The following TMEM8B variants were observed in gnomAD, a reference collection of about 807,000 sequenced individuals.
The protein encoded by TMEM8B is transmembrane protein 8B.
TMEM8B carries 29 observed loss-of-function variants against 49.3 expected under a neutral mutation model. That is an observed-to-expected ratio of 0.59 (90% CI 0.44 to 0.80). The LOEUF is 0.80. TMEM8B is among the 30% of genes least tolerant of loss of function. The pLI is 0.00. For synonymous variants in TMEM8B, 264 were observed against 272.8 expected, an observed-to-expected ratio of 0.97 and a Z score of 0.32; for missense variants, 575 against 658.5, an observed-to-expected ratio of 0.87 and a Z score of 1.39.
chr9:35,852,182 T>G (rs1429709470), intron 10 of TMEM8B, among the ~76,000 whole-genome samples: 1 of 152,210 alleles, frequency 6.6e-6, no homozygotes, highest in Non-Finnish European at 1.5e-5. Context: ...TCCTCAATAG[T>G]CCACTCTTCA....
At position 35,846,469 on chromosome 9, in the gene TMEM8B, G is replaced by A. The variant is rs773611824; in HGVS notation, c.1854G>A (p.Arg618=). The A allele has an allele frequency of 2.5e-6, 4 of 1,599,764 alleles. No individual in the cohort carries two copies. The highest frequency in any genetic ancestry group is 1.7e-5 in the Admixed American group (1 of 58,376). The change falls in exon 9 of 13, where the codon CGG becomes CGA. Residue 618 remains arginine (R), a splice_region_variant and synonymous_variant. Coordinates refer to ENST00000643932, the MANE Select transcript of TMEM8B (RefSeq NM_001042590.4). ...ALRSLCGVGP[R]FVRCRNATAE... ...CAGGTGACTGCGAGTTTGTGCGCAG[G>A]TTCGTGCGGTGCCGCAACGCGACGG...
In TMEM8B at chr9:35,854,152, A is replaced by C; in HGVS notation, c.*312A>C. ...CTGGGATGCAGAGCCTTCCCAAGACATGGATTCCTTCCCAGGGAGACAAAG... is the reference window on the plus strand; with the variant it reads ...CTGGGATGCAGAGCCTTCCCAAGACCTGGATTCCTTCCCAGGGAGACAAAG... On this transcript the variant is annotated 3_prime_UTR_variant, in exon 13 of 13. Coordinates refer to ENST00000643932, the MANE Select transcript of TMEM8B (RefSeq NM_001042590.4). The C allele has an allele frequency of 1.9e-6, 1 of 526,526 alleles. No homozygotes were observed. The highest frequency in any genetic ancestry group is 2.7e-6 in the Non-Finnish European group (1 of 369,342). 32.6% of individuals were successfully genotyped at this position (526,526 alleles called of 1,614,324 possible).
At chr9:35,850,774 A>G (rs569606945) in intron 10 of TMEM8B, among the ~76,000 whole-genome samples, 1 of 152,320 alleles carries the variant, frequency 6.6e-6, no homozygotes, top group East Asian at 1.9e-4. Context: ...TGTCTGAAAT[A>G]TAGTACAAAT....
rs1207008246 is a variant in TMEM8B, at chr9:35,854,244, A to AT, written c.*408dup. 1 of 173,990 alleles carries AT rather than the reference A, an allele frequency of 5.7e-6. No individual in the cohort carries two copies. The highest frequency in any genetic ancestry group is 1.2e-5 in the Non-Finnish European group (1 of 84,966). 10.8% of individuals were successfully genotyped at this position (173,990 alleles called of 1,614,324 possible). ...TATCTTGGGGAAACCAAATTTCCAG[A>AT]TTTTCCCAGAGGCTCAGCAACTCTG... On this transcript the variant is annotated 3_prime_UTR_variant, in exon 13 of 13. Transcript: ENST00000643932.
chr9:35,831,857 G>A (rs1829935731), intron 1 of TMEM8B, among the ~76,000 whole-genome samples: 1 of 152,212 alleles, frequency 6.6e-6, no homozygotes, highest in Non-Finnish European at 1.5e-5. Context: ...GAATGCCTTG[G>A]CAATTTTGGA....
Position 35,841,166 on chromosome 9 carries a change from G to A in TMEM8B, c.939G>A (p.Gln313=). ...GLQDECQYLL[Q]PQLIVRRLLD... is the part of the protein sequence containing the mutation. ...AGGATGAGTGTCAGTACCTCCTTCAGCCGCAGCTGATTGTCCGGCGTTTGC... is the reference window on the plus strand; with the variant it reads ...AGGATGAGTGTCAGTACCTCCTTCAACCGCAGCTGATTGTCCGGCGTTTGC... The change falls in exon 4 of 13, where the codon CAG becomes CAA. Residue 313 remains glutamine (Q), a synonymous_variant. Coordinates refer to ENST00000643932, the MANE Select transcript of TMEM8B (RefSeq NM_001042590.4). This position sits in a 1 kb window ranked among gnomAD's most constrained non-coding sequence, Gnocchi z 5.9. The A allele has an allele frequency of 4.8e-6, 2 of 416,068 alleles. No individual in the cohort carries two copies. The highest frequency in any genetic ancestry group is 8.8e-6 in the Non-Finnish European group (2 of 226,662). 25.8% of individuals were successfully genotyped at this position (416,068 alleles called of 1,614,324 possible). A position where few individuals can be genotyped will look rare whatever the true frequency, so the allele number is the denominator to read the frequency against.
Position 35,852,913 on chromosome 9 carries a change from C to T in TMEM8B, c.2262C>T (p.Ser754=), listed in dbSNP as rs1832280084. ...DVLQFCDFLG[S]LMSVWVTVIA... is the part of the protein sequence containing the mutation. ...TGCAGTTCTGTGATTTCCTGGGCTC[C>T]TTAATGTCCGTGTGGGTCACTGTCA... The change falls in exon 11 of 13, where the codon TCC becomes TCT. Residue 754 remains serine, a synonymous_variant. Coordinates refer to ENST00000643932, the MANE Select transcript of TMEM8B (RefSeq NM_001042590.4). 3 of 1,614,236 alleles carry T rather than the reference C, an allele frequency of 1.9e-6. No individual in the cohort carries two copies. The highest frequency in any genetic ancestry group is 1.7e-6 in the Non-Finnish European group (2 of 1,180,038).
At chr9:35,851,417 T>G (rs1832125638) in intron 10 of TMEM8B, among the ~76,000 whole-genome samples, 1 of 152,216 alleles carries the variant, frequency 6.6e-6, no homozygotes, top group Non-Finnish European at 1.5e-5. Flanking sequence ...AGTGCTGGGA[T>G]TAACAGGCGT....
chr9:35,840,839 T>C (rs889003885), intron 3 of TMEM8B, among the ~76,000 whole-genome samples: 8 of 151,914 alleles, frequency 5.3e-5, no homozygotes, highest in South Asian at 2.1e-4. Flanking sequence ...AGGGGTTAGA[T>C]TGGGAGAAGG....
Position 35,857,665 on chromosome 9 carries a change from A to C in TMEM8B, c.*3825A>C, listed in dbSNP as rs1832575559. The C allele has an allele frequency of 6.6e-6, 1 of 152,234 alleles. No homozygotes were observed. The highest frequency in any genetic ancestry group is 2.4e-5 in the African/African-American group (1 of 41,452). 9.4% of individuals were successfully genotyped at this position (152,234 alleles called of 1,614,324 possible). A position where few individuals can be genotyped will look rare whatever the true frequency, so the allele number is the denominator to read the frequency against. On this transcript the variant is annotated 3_prime_UTR_variant, in exon 13 of 13. Coordinates refer to ENST00000643932, the MANE Select transcript of TMEM8B (RefSeq NM_001042590.4). ...TCCTTGATCAGAAGAGTGATGAATCAATCCAGGTTTGACCAAAGTAACAGA... is the reference window on the plus strand; with the variant it reads ...TCCTTGATCAGAAGAGTGATGAATCCATCCAGGTTTGACCAAAGTAACAGA...
rs1832454813 is a variant in TMEM8B at position 35,854,839 on chromosome 9, G to A, written c.*999G>A. 1 of 152,150 alleles carries A rather than the reference G, an allele frequency of 6.6e-6. No homozygotes were observed. The highest frequency in any genetic ancestry group is 1.5e-5 in the Non-Finnish European group (1 of 68,042). 9.4% of individuals were successfully genotyped at this position (152,150 alleles called of 1,614,324 possible). On this transcript the variant is annotated 3_prime_UTR_variant, in exon 13 of 13. Transcript: ENST00000643932. Reference sequence around the variant, plus strand: ...ATCACAAGAATGTAACTTCTGTTTTGAGCCCCCATTTTTCCTGAGTGCCAG... The same window carrying A: ...ATCACAAGAATGTAACTTCTGTTTTAAGCCCCCATTTTTCCTGAGTGCCAG...
intron 1 of TMEM8B, among the ~76,000 whole-genome samples, chr9:35,831,117 C>T (rs149021712): frequency 6.0e-4 from 91 of 152,268 alleles, no homozygotes; most frequent in Middle Eastern, 3.4e-3. Context: ...GACGAATGCA[C>T]GTGAAAGGTC....
In TMEM8B at chr9:35,862,457, C is replaced by T. The variant is rs1832668925; in HGVS notation, c.*8617C>T. Reference sequence around the variant, plus strand: ...CCAAGGGTGGGAAACCACCTGACTGCATTTTTCTTTATCACTCACACCTCT... The same window carrying T: ...CCAAGGGTGGGAAACCACCTGACTGTATTTTTCTTTATCACTCACACCTCT... On this transcript the variant is annotated 3_prime_UTR_variant, in exon 13 of 13. Coordinates refer to ENST00000643932, the MANE Select transcript of TMEM8B (RefSeq NM_001042590.4). 6.6e-6 allele frequency: 1 copy of T among 152,246 alleles called. No individual in the cohort carries two copies. Among genetic ancestry groups the T allele is most frequent in the Non-Finnish European group, 1.5e-5 (1 of 68,064 alleles). The allele number at this position is 152,246 out of a possible 1,614,324, so 9.4% of individuals were successfully genotyped here.
intron 10 of TMEM8B, among the ~76,000 whole-genome samples, chr9:35,847,997 G>C (rs1163837587): frequency 6.6e-6 from 1 of 152,242 alleles, no homozygotes; most frequent in African/African-American, 2.4e-5. Flanking sequence ...GATGGTTTCA[G>C]ACTGCTCAGG....
Position 35,842,716 on chromosome 9 carries a change from C to T in TMEM8B, c.1634C>T (p.Ala545Val), listed in dbSNP as rs757728096. The T allele has an allele frequency of 1.4e-5, 22 of 1,610,376 alleles. No homozygotes were observed. Among genetic ancestry groups the T allele is most frequent in the Non-Finnish European group, 1.9e-5 (22 of 1,178,064 alleles). Residue 545 changes from alanine (A) to valine (V), a missense_variant and splice_region_variant, in exon 6 of 13, where the codon GCG (alanine) becomes GTG (valine). Physicochemically the swap from Ala to Val is moderately conservative, Grantham distance 64 (BLOSUM62 0). Coordinates refer to ENST00000643932, the MANE Select transcript of TMEM8B (RefSeq NM_001042590.4). The surrounding 1 kb of genome is among the most constrained non-coding windows in gnomAD (Gnocchi z 5.6). Reference protein sequence around the residue: ...GVLSLELQLNASSVRQENVTV... With the variant: ...GVLSLELQLNVSSVRQENVTV... ...CTCAGCCTGGAGCTCCAGCTCAATG[C>T]GGTACTCTTTATGGAGAGTGGGGAG...
rs541747857 is a variant in TMEM8B, at chr9:35,845,594, A to G, written c.1636-381A>G. The G allele has an allele frequency of 2.9e-4, 283 of 985,448 alleles. 4 individuals are homozygous for G. Among genetic ancestry groups the G allele is most frequent in the Non-Finnish European group, 2.7e-5 (22 of 829,926 alleles). The allele number at this position is 985,448 out of a possible 1,614,324, so 61.0% of individuals were successfully genotyped here. On this transcript the variant is annotated intron_variant, in intron 6 of 12. Coordinates refer to ENST00000643932, the MANE Select transcript of TMEM8B (RefSeq NM_001042590.4). ...TTGGGGTCCAGGTGAAGATGATGGG[A>G]AACCTTACAATTGCCTTTGTCCACA...
At chr9:35,830,887 T>A (rs888189366) in intron 1 of TMEM8B, among the ~76,000 whole-genome samples, 10 of 151,548 alleles carry the variant, frequency 6.6e-5, no homozygotes, top group African/African-American at 2.4e-4. Flanking sequence ...GAGGAGGGGG[T>A]GTCCTGGTCT....
intron 6 of TMEM8B, among the ~76,000 whole-genome samples, chr9:35,844,971 A>G (rs1831376034): frequency 6.6e-6 from 1 of 152,166 alleles, no homozygotes; most frequent in South Asian, 2.1e-4. Context: ...AACTGCATAT[A>G]CTTTTTTCTT....
In TMEM8B at chr9:35,846,245, C is replaced by T. The variant is rs774614283; in HGVS notation, c.1730-13C>T. 31 of 1,613,996 alleles carry T rather than the reference C, an allele frequency of 1.9e-5. No homozygotes were observed. Among genetic ancestry groups the T allele is most frequent in the Non-Finnish European group, 2.5e-5 (30 of 1,179,978 alleles). On this transcript the variant is annotated splice_polypyrimidine_tract_variant and intron_variant, in intron 7 of 12. Coordinates refer to ENST00000643932, the MANE Select transcript of TMEM8B (RefSeq NM_001042590.4). ...CCTCCTCCCTCTCACTGACTCCTTC[C>T]TTCTCCCTTCAGAGTCCCTGGCCGG... is the stretch of plus-strand genomic sequence containing the variant.
Sources: gnomAD v4.1 joint callset for allele counts (sites outside exome capture counted in the v4.1 genomes callset) on GRCh38, gnomAD v4.1.1 for gene constraint, Gnocchi (gnomAD v3.1) non-coding constraint, MANE v1.5 for transcripts, NCBI Gene and HGNC (gene_info 2026-07-23, HGNC 2026-07-21) for gene names.